RSRC1: variants seen among roughly 807,000 people sequenced by gnomAD.
RSRC1 encodes the protein serine/Arginine-related protein 53.
Under a neutral mutation model 49.1 loss-of-function variants are expected in RSRC1, and 39 were observed. That is an observed-to-expected ratio of 0.79 (90% CI 0.61 to 1.04). RSRC1 has a LOEUF of 1.04. RSRC1 is among the 50% of genes least tolerant of loss of function. The pLI, the probability that RSRC1 is intolerant of heterozygous loss-of-function variation, is 0.00. For missense variants in RSRC1, 388 were observed against 402.4 expected (o/e 0.96, Z 0.31); for synonymous variants, 143 against 130.8 (o/e 1.09, Z -0.63).
chr3:158,411,967 A>G (rs1442767069), intron 6 of RSRC1, among the ~76,000 whole-genome samples: 1 of 152,152 alleles, frequency 6.6e-6, no homozygotes, highest in Non-Finnish European at 1.5e-5. Flanking sequence ...TATTTAAGAT[A>G]TAGAAAATTA....
chr3:158,325,258 T>C (rs879860502), intron 5 of RSRC1, among the ~76,000 whole-genome samples: 10 of 152,258 alleles, frequency 6.6e-5, no homozygotes, highest in Non-Finnish European at 1.2e-4. Context: ...CAATTTTGGC[T>C]TCTGTTGCCA....
chr3:158,503,041 T>C (rs1739679492), intron 7 of RSRC1, among the ~76,000 whole-genome samples: 1 of 152,172 alleles, frequency 6.6e-6, no homozygotes, highest in African/African-American at 2.4e-5. Flanking sequence ...GGTCTAGGGC[T>C]GAAGGCTGTT....
At chr3:158,444,588 G>A (rs12491039) in intron 6 of RSRC1, among the ~76,000 whole-genome samples, 80,096 of 151,846 alleles carry the variant, frequency 0.53, 21,692 homozygotes, top group African/African-American at 0.64. Flanking sequence ...CATTCAGGAC[G>A]TAGGCATGGG....
intron 6 of RSRC1, among the ~76,000 whole-genome samples, chr3:158,377,284 T>C (rs1172620462): frequency 6.6e-6 from 1 of 152,156 alleles, no homozygotes; most frequent in Non-Finnish European, 1.5e-5. Context: ...CACTTCTTCG[T>C]CTTCTTTATA....
At chr3:158,274,442 A>G (rs969887281) in intron 4 of RSRC1, among the ~76,000 whole-genome samples, 2 of 151,534 alleles carry the variant, frequency 1.3e-5, no homozygotes, top group South Asian at 2.1e-4. Context: ...ATCAAAATGT[A>G]TGACTTAGGA....
chr3:158,197,587 A>T (rs894030769), intron 3 of RSRC1, among the ~76,000 whole-genome samples: 1 of 151,320 alleles, frequency 6.6e-6, no homozygotes, highest in African/African-American at 2.4e-5. Flanking sequence ...TGATGTTAGG[A>T]TGTCAATTTT....
intron 3 of RSRC1, among the ~76,000 whole-genome samples, chr3:158,151,492 A>C (rs2108212279): frequency 6.6e-6 from 1 of 152,204 alleles, no homozygotes; most frequent in South Asian, 2.1e-4. Context: ...ACTTCAGGGG[A>C]GAAGGGGAAG....
At chr3:158,500,301 A>T (rs1333137658) in intron 7 of RSRC1, among the ~76,000 whole-genome samples, 4 of 152,164 alleles carry the variant, frequency 2.6e-5, no homozygotes, top group African/African-American at 9.7e-5. Flanking sequence ...ATCTATGTTC[A>T]TCAAGGATAT....
chr3:158,423,148 G>A lies in RSRC1; in HGVS notation c.584-37787G>A, dbSNP rs1010822330. ...TTGGTGTTTTAGACATGAAGTCCTT[G>A]CCCATGCCTATGTCCTGAATGGTAA... On this transcript the variant is annotated intron_variant, in intron 6 of 9. Coordinates refer to ENST00000611884, the MANE Select transcript of RSRC1 (RefSeq NM_001271838.2). Among the ~76,000 whole-genome samples, 25 of 152,048 alleles carry A rather than the reference G, an allele frequency of 1.6e-4. No homozygotes were observed. The East Asian group carries it at 3.7e-3, about 22-fold the overall frequency.
At chr3:158,201,242 C>T (rs1358424902) in intron 3 of RSRC1, among the ~76,000 whole-genome samples, 1 of 152,018 alleles carries the variant, frequency 6.6e-6, no homozygotes, top group Non-Finnish European at 1.5e-5. Flanking sequence ...CATTGTTCCC[C>T]TGTATGTAAT....
At chr3:158,385,706 G>A (rs1732934493) in intron 6 of RSRC1, among the ~76,000 whole-genome samples, 2 of 152,052 alleles carry the variant, frequency 1.3e-5, no homozygotes, top group Non-Finnish European at 2.9e-5. Context: ...TGACCCAAAT[G>A]AATGAAATTA....
intron 6 of RSRC1, among the ~76,000 whole-genome samples, chr3:158,374,164 A>T (rs1464243339): frequency 6.6e-6 from 1 of 151,998 alleles, no homozygotes; most frequent in Non-Finnish European, 1.5e-5. Context: ...CGGATTGGAT[A>T]TTTTTTTCTT....
intron 6 of RSRC1, among the ~76,000 whole-genome samples, chr3:158,393,894 C>A (rs1020824589): frequency 6.6e-6 from 1 of 151,974 alleles, no homozygotes; most frequent in Non-Finnish European, 1.5e-5. Context: ...AATGTAGAAT[C>A]AAAAATCCTC....
At chr3:158,218,530 G>T (rs1324089419) in intron 4 of RSRC1, among the ~76,000 whole-genome samples, 1 of 151,598 alleles carries the variant, frequency 6.6e-6, no homozygotes, top group Admixed American at 6.6e-5. Flanking sequence ...AAGATGGCAG[G>T]GTATCATACA....
chr3:158,390,567 A>G (rs1055815672), intron 6 of RSRC1, among the ~76,000 whole-genome samples: 4 of 152,152 alleles, frequency 2.6e-5, no homozygotes, highest in African/African-American at 9.7e-5. Flanking sequence ...AGCATTTATT[A>G]TTTACTAGGG....
intron 5 of RSRC1, among the ~76,000 whole-genome samples, chr3:158,313,103 C>G (rs562630074): frequency 3.1e-4 from 47 of 152,058 alleles, no homozygotes; most frequent in African/African-American, 9.7e-4. Flanking sequence ...CAACCTCCCC[C>G]CTCCCCTCAC....
intron 4 of RSRC1, among the ~76,000 whole-genome samples, chr3:158,230,595 AT>A (rs1402708533): frequency 6.6e-6 from 1 of 152,160 alleles, no homozygotes; most frequent in Non-Finnish European, 1.5e-5. Flanking sequence ...TAGGAAGTTT[AT>A]TATTCATAGT....
chr3:158,513,534 A>G (rs1740308424), intron 7 of RSRC1, among the ~76,000 whole-genome samples: 1 of 151,998 alleles, frequency 6.6e-6, no homozygotes, highest in Admixed American at 6.6e-5. Flanking sequence ...TTTATTGAGG[A>G]TTTTTGCATC....
chr3:158,242,153 A>G (rs1723631909), intron 4 of RSRC1, among the ~76,000 whole-genome samples: 1 of 142,586 alleles, frequency 7.0e-6, no homozygotes. Context: ...TCACTTAGGT[A>G]TTAGGCCCAG....
Sources: gnomAD v4.1 joint callset for allele counts (sites outside exome capture counted in the v4.1 genomes callset) on GRCh38, gnomAD v4.1.1 for gene constraint, MANE v1.5 for transcripts, NCBI Gene and HGNC (gene_info 2026-07-23, HGNC 2026-07-21) for gene names.